AFF3: variants seen among roughly 807,000 people sequenced by gnomAD.
AFF3 encodes AF4/FMR2 family member 3.
A neutral mutation model predicts 129.7 loss-of-function variants in AFF3; 32 were observed. The ratio of observed to expected loss-of-function variants is 0.25; its 90% CI spans 0.19 to 0.33. The LOEUF is 0.33. AFF3 is among the 10% of genes least tolerant of loss of function. AFF3 has a pLI of 1.00. For synonymous variants in AFF3, 644 were observed against 635.4 expected (o/e 1.01, Z -0.20); for missense variants, 1,373 against 1,592.0 (o/e 0.86, Z 2.34).
intron 7 of AFF3, among the ~76,000 whole-genome samples, chr2:99,842,691 C>G (rs146959626): frequency 6.6e-6 from 1 of 152,116 alleles, no homozygotes; most frequent in African/African-American, 2.4e-5. Flanking sequence ...ATGTACATGC[C>G]GCACACTGCC....
intron 7 of AFF3, among the ~76,000 whole-genome samples, chr2:100,000,817 C>T (rs1228195145): frequency 2.6e-5 from 4 of 152,212 alleles, no homozygotes; most frequent in Non-Finnish European, 5.9e-5. Flanking sequence ...GTGGCAGGCC[C>T]AGTTCTTGCT....
intron 13 of AFF3, among the ~76,000 whole-genome samples, chr2:99,604,983 G>T (rs922695507): frequency 1.2e-4 from 19 of 152,232 alleles, no homozygotes; most frequent in Admixed American, 4.6e-4. Context: ...AGGTGTGTGG[G>T]ATTCCTTGTG....
At position 100,007,663 on chromosome 2, in the gene AFF3, T is replaced by C. The variant is rs1266902853; in HGVS notation, c.175-203A>G. On this transcript the variant is annotated intron_variant, in intron 5 of 24. Transcript: ENST00000672756. The stretch of plus-strand genomic sequence containing the variant: ...CAGAACAGGAAGCCTGTAATGGCCT[T>C]GGGGTGCATAAAAAGGGATCTATCC... 5.0e-6 allele frequency: 3 copies of C among 601,062 alleles called. No homozygotes were observed. The East Asian group carries it at 8.5e-5, about 17-fold the overall frequency. 37.2% of individuals were successfully genotyped at this position (601,062 alleles called of 1,614,324 possible).
intron 8 of AFF3, among the ~76,000 whole-genome samples, chr2:99,792,879 G>A (rs1685296878): frequency 2.0e-5 from 3 of 152,116 alleles, no homozygotes; most frequent in African/African-American, 7.2e-5. Context: ...TCAGACTAAT[G>A]TTAGCCTCAT....
At chr2:100,111,058 G>T (rs183715478) in intron 2 of AFF3, among the ~76,000 whole-genome samples, 64 of 152,314 alleles carry the variant, frequency 4.2e-4, no homozygotes, top group African/African-American at 1.5e-3. Flanking sequence ...ACAGACTAAA[G>T]TTGGCAAGTC....
At chr2:99,618,773 G>A (rs1681701370) in intron 13 of AFF3, among the ~76,000 whole-genome samples, 1 of 152,168 alleles carries the variant, frequency 6.6e-6, no homozygotes, top group African/African-American at 2.4e-5. Context: ...CCCAGAAAAC[G>A]GAAGTGGTGT....
intron 13 of AFF3, among the ~76,000 whole-genome samples, chr2:99,607,121 T>G (rs1680441180): frequency 6.6e-6 from 1 of 152,180 alleles, no homozygotes; most frequent in Non-Finnish European, 1.5e-5. Flanking sequence ...CAAATACACC[T>G]TTGAGAGGGG....
chr2:99,937,950 A>C (rs1287893431), intron 7 of AFF3, among the ~76,000 whole-genome samples: 1 of 152,078 alleles, frequency 6.6e-6, no homozygotes. Flanking sequence ...TGATTCTTTT[A>C]ATACTGGTAA....
In AFF3 at chr2:99,545,908, C is replaced by CA. The variant is rs1400317276; in HGVS notation, c.*5565dup. The CA allele has an allele frequency of 5.0e-6, 1 of 200,586 alleles. No individual in the cohort carries two copies. Among genetic ancestry groups the CA allele is most frequent in the Non-Finnish European group, 1.0e-5 (1 of 97,278 alleles). The allele number at this position is 200,586 out of a possible 1,614,324, so 12.4% of individuals were successfully genotyped here. A position where few individuals can be genotyped will look rare whatever the true frequency, so the allele number is the denominator to read the frequency against. ...TATAATTTTCCTCATGCCAAGCAAA[C>CA]AAGTTAACCCCTTTGGTGACATATA... On this transcript the variant is annotated 3_prime_UTR_variant, in exon 25 of 25. Transcript: ENST00000672756.
intron 7 of AFF3, among the ~76,000 whole-genome samples, chr2:99,956,414 C>A (rs1007856904): frequency 6.6e-6 from 1 of 151,982 alleles, no homozygotes; most frequent in Non-Finnish European, 1.5e-5. Flanking sequence ...TAATGTAAAC[C>A]CTGATATCAA....
In AFF3 at chr2:100,005,378, T is replaced by A. The variant is rs1208047744; in HGVS notation, c.873+1254A>T. Among the ~76,000 whole-genome samples, 7 of 152,186 alleles carry A rather than the reference T, an allele frequency of 4.6e-5. No homozygotes were observed. In the East Asian group the frequency reaches 1.3e-3, roughly 29 times the overall value. ...AACAAGAAGTCAATTGAGATTGAAA[T>A]AATGAAGGGGTTCCTGGTGGTTGTA... On this transcript the variant is annotated intron_variant, in intron 7 of 24. Transcript: ENST00000672756.
chr2:99,844,511 C>T (rs563025332), intron 7 of AFF3, among the ~76,000 whole-genome samples: 1 of 143,550 alleles, frequency 7.0e-6, no homozygotes, highest in East Asian at 2.1e-4. Context: ...CATCTCGGCT[C>T]ACTGCAACCT....
At chr2:99,907,987 A>T (rs1162180508) in intron 7 of AFF3, among the ~76,000 whole-genome samples, 1 of 152,100 alleles carries the variant, frequency 6.6e-6, no homozygotes, top group Non-Finnish European at 1.5e-5. Flanking sequence ...GATGCGTACA[A>T]ATTATCTGGT....
chr2:99,657,641 ATTTGC>A (rs1433645716), intron 12 of AFF3, among the ~76,000 whole-genome samples: 1 of 152,114 alleles, frequency 6.6e-6, no homozygotes, highest in African/African-American at 2.4e-5. Flanking sequence ...TTATTTCCCT[ATTTGC>A]TTTATTTAAA....
chr2:100,105,253 C>T (rs1051241581), intron 3 of AFF3: 153 of 1,122,500 alleles, frequency 1.4e-4, no homozygotes, highest in African/African-American at 8.2e-4. Flanking sequence ...GCGGCGGACC[C>T]GGGTGGGTGC....
chr2:99,693,452 T>G (rs888538481), intron 11 of AFF3, among the ~76,000 whole-genome samples: 1 of 152,162 alleles, frequency 6.6e-6, no homozygotes, highest in Non-Finnish European at 1.5e-5. Context: ...TAATCTAGTA[T>G]CACCATTTAT....
At chr2:100,139,497 A>G (rs1692775717) in intron 1 of AFF3, among the ~76,000 whole-genome samples, 2 of 152,228 alleles carry the variant, frequency 1.3e-5, no homozygotes, top group African/African-American at 4.8e-5. Context: ...TAGTTATTGC[A>G]GGAGTCTAGT....
chr2:100,038,674 T>C (rs1685174673), intron 4 of AFF3, among the ~76,000 whole-genome samples: 1 of 151,882 alleles, frequency 6.6e-6, no homozygotes, highest in Non-Finnish European at 1.5e-5. Flanking sequence ...ATAATTTAAT[T>C]TGTATCTAAG....
rs997810769 is a variant in AFF3 at position 99,735,858 on chromosome 2, T to G, written c.1039+8246A>C. Among the ~76,000 whole-genome samples the G allele has an allele frequency of 2.6e-5, 4 of 152,250 alleles. No homozygotes were observed. The East Asian group carries it at 7.7e-4, about 29-fold the overall frequency. On this transcript the variant is annotated intron_variant, in intron 10 of 24. Coordinates refer to ENST00000672756, the MANE Select transcript of AFF3 (RefSeq NM_001386135.1). ...TCTAATTTAGTTTCTTCCTCCAGTT[T>G]TAATATTAGGTATTTCTATTACCTT... is the stretch of plus-strand genomic sequence containing the variant.
Sources: allele counts gnomAD v4.1 joint callset (sites outside exome capture counted in the v4.1 genomes callset), GRCh38; gene constraint gnomAD v4.1.1; transcripts MANE v1.5; gene names NCBI Gene and HGNC (gene_info 2026-07-23, HGNC 2026-07-21).